The following METTL15 variants were observed in gnomAD, a reference collection of about 807,000 sequenced individuals.
METTL15 encodes methyltransferase 15, mitochondrial 12S rRNA N4-cytidine.
A neutral mutation model predicts 38.3 loss-of-function variants in METTL15; 34 were observed. That is an observed-to-expected ratio of 0.89 (90% CI 0.68 to 1.18). The LOEUF (loss-of-function observed/expected upper bound fraction) is 1.18, where lower values mean the gene tolerates loss of function less well. METTL15 is among the 50% of genes most tolerant of loss of function. METTL15 has a pLI of 0.00. For missense variants in METTL15, 438 were observed against 498.4 expected (o/e 0.88, Z 1.15); for synonymous variants, 162 against 170.9 (o/e 0.95, Z 0.41).
intron 5 of METTL15, among the ~76,000 whole-genome samples, chr11:28,380,842 T>A (rs1850375779): frequency 6.6e-6 from 1 of 152,184 alleles, no homozygotes; most frequent in Non-Finnish European, 1.5e-5. Context: ...ATGAGAGTTT[T>A]TTTTTTTTCA....
At chr11:28,396,600 A>C (rs1005701409) in intron 5 of METTL15, among the ~76,000 whole-genome samples, 27 of 152,070 alleles carry the variant, frequency 1.8e-4, no homozygotes, top group African/African-American at 6.3e-4. Flanking sequence ...AGGACACAAA[A>C]AAATGGAAGA....
chr11:28,266,976 A>G (rs1855447015), intron 4 of METTL15, among the ~76,000 whole-genome samples: 1 of 152,044 alleles, frequency 6.6e-6, no homozygotes, highest in Non-Finnish European at 1.5e-5. Context: ...CCTGGCCAAC[A>G]TGGTGAAACC....
intron 4 of METTL15, among the ~76,000 whole-genome samples, chr11:28,212,301 G>C (rs1213479060): frequency 2.0e-5 from 3 of 152,026 alleles, no homozygotes; most frequent in Admixed American, 6.6e-5. Context: ...TTTCTTCCGA[G>C]AATAATATGA....
chr11:28,217,691 G>A (rs1565175466), intron 4 of METTL15, among the ~76,000 whole-genome samples: 1 of 152,106 alleles, frequency 6.6e-6, no homozygotes, highest in Non-Finnish European at 1.5e-5. Context: ...TATGGTTTTA[G>A]GTCTACCATT....
At chr11:28,146,923 A>G (rs1849907181) in intron 3 of METTL15, among the ~76,000 whole-genome samples, 1 of 151,940 alleles carries the variant, frequency 6.6e-6, no homozygotes, top group Non-Finnish European at 1.5e-5. Flanking sequence ...AGTATTTGAA[A>G]GAAAATATTT....
chr11:28,117,792 TAAAG>T (rs1852038663), intron 3 of METTL15, among the ~76,000 whole-genome samples: 1 of 152,198 alleles, frequency 6.6e-6, no homozygotes, highest in African/African-American at 2.4e-5. Flanking sequence ...CTTCAAGTAA[TAAAG>T]AACTGGTGAC....
intron 5 of METTL15, among the ~76,000 whole-genome samples, chr11:28,393,786 G>GAGACTATAT (rs1850538616): frequency 6.6e-6 from 1 of 152,120 alleles, no homozygotes; most frequent in Admixed American, 6.6e-5. Context: ...ACTGTAGGAA[G>GAGACTATAT]AGACTATATA....
At chr11:28,441,961 A>G (rs1463551725) in intron 6 of METTL15, among the ~76,000 whole-genome samples, 2 of 152,188 alleles carry the variant, frequency 1.3e-5, no homozygotes, top group African/African-American at 2.4e-5. Flanking sequence ...TGCTTTTTAC[A>G]CTGGAAAAGA....
At chr11:28,481,670 G>C in intron 6 of METTL15, among the ~76,000 whole-genome samples, 1 of 152,246 alleles carries the variant, frequency 6.6e-6, no homozygotes, top group East Asian at 1.9e-4. Context: ...AGAGGTACCC[G>C]AGCAAAAGCC....
chr11:28,427,946 A>G (rs933286105), intron 6 of METTL15, among the ~76,000 whole-genome samples: 6 of 152,202 alleles, frequency 3.9e-5, no homozygotes, highest in East Asian at 1.9e-4. Flanking sequence ...AGAACTTCCA[A>G]TACTACGTTG....
chr11:28,133,342 T>G (rs942373902), intron 3 of METTL15, among the ~76,000 whole-genome samples: 1 of 152,168 alleles, frequency 6.6e-6, no homozygotes, highest in African/African-American at 2.4e-5. Context: ...TTAAAAACCT[T>G]CAAGACAATT....
rs139207844 is a variant in METTL15, at chr11:28,179,133, G to T, written c.271-31929G>T. 9.5e-3 allele frequency among the ~76,000 whole-genome samples: 1,449 copies of T among 151,866 alleles called. 22 individuals are homozygous for T. The highest frequency in any genetic ancestry group is 0.01 in the Non-Finnish European group (693 of 67,782). On this transcript the variant is annotated intron_variant, in intron 3 of 6. Coordinates refer to ENST00000407364, the MANE Select transcript of METTL15 (RefSeq NM_001113528.2). ...ACACATGGGTTTGTGTGTGTATTTT[G>T]AATCTAATCTGGAAATGTTTTAATT...
At chr11:28,488,561 G>T (rs1851455966) in intron 6 of METTL15, among the ~76,000 whole-genome samples, 1 of 152,118 alleles carries the variant, frequency 6.6e-6, no homozygotes, top group Non-Finnish European at 1.5e-5. Context: ...ACGCTACATT[G>T]CTTATCCTAG....
chr11:28,325,542 T>G (rs1274305563), intron 6 of METTL15, among the ~76,000 whole-genome samples: 1 of 152,220 alleles, frequency 6.6e-6, no homozygotes, highest in Non-Finnish European at 1.5e-5. Flanking sequence ...TATCCATTCA[T>G]TCATCCATTT....
intron 4 of METTL15, among the ~76,000 whole-genome samples, chr11:28,274,828 C>G (rs1314170972): frequency 1.3e-5 from 2 of 151,434 alleles, no homozygotes; most frequent in African/African-American, 4.8e-5. Flanking sequence ...GGAGATATAC[C>G]TAATGTAAAT....
intron 6 of METTL15, among the ~76,000 whole-genome samples, chr11:28,469,706 A>T (rs1256308487): frequency 6.6e-6 from 1 of 152,136 alleles, no homozygotes; most frequent in Non-Finnish European, 1.5e-5. Flanking sequence ...CACATAATAA[A>T]CACTATGTTT....
intron 3 of METTL15, among the ~76,000 whole-genome samples, chr11:28,179,438 C>T (rs1369446886): frequency 2.6e-5 from 4 of 151,752 alleles, no homozygotes; most frequent in African/African-American, 9.7e-5. Flanking sequence ...TAACATCTCT[C>T]ACTCAGAAAG....
At chr11:28,192,141 G>A (rs1851722311) in intron 3 of METTL15, among the ~76,000 whole-genome samples, 1 of 151,698 alleles carries the variant, frequency 6.6e-6, no homozygotes, top group East Asian at 1.9e-4. Context: ...GGTATCTTGT[G>A]ATATCTCGTC....
chr11:28,460,523 T>G (rs1851205678), intron 6 of METTL15, among the ~76,000 whole-genome samples: 1 of 152,138 alleles, frequency 6.6e-6, no homozygotes, highest in Admixed American at 6.6e-5. Context: ...GATATTTACC[T>G]TGGCCTCAGC....
Sources: allele counts gnomAD v4.1 joint callset (sites outside exome capture counted in the v4.1 genomes callset), GRCh38; gene constraint gnomAD v4.1.1; transcripts MANE v1.5; gene names NCBI Gene and HGNC (gene_info 2026-07-23, HGNC 2026-07-21).